Variants in KAZN observed in about 807,000 individuals in gnomAD.
KAZN encodes kazrin.
In KAZN, 40 loss-of-function variants were observed where a neutral mutation model predicts 87.4. The observed-to-expected ratio is 0.46, with a 90% CI of 0.36 to 0.60. KAZN has a LOEUF of 0.60. KAZN is among the 20% of genes least tolerant of loss of function. The pLI, the probability that KAZN is intolerant of heterozygous loss-of-function variation, is 0.00. For missense variants in KAZN, 898 were observed against 1,073.9 expected (o/e 0.84, Z 2.29); for synonymous variants, 466 against 458.3 (o/e 1.02, Z -0.22).
At chr1:14,916,818 G>A (rs1352349158) in intron 1 of KAZN, among the ~76,000 whole-genome samples, 3 of 152,000 alleles carry the variant, frequency 2.0e-5, no homozygotes, top group African/African-American at 7.3e-5. Flanking sequence ...GGAGACTGAG[G>A]CAGAAGGATT....
At chr1:14,929,766 C>T in intron 1 of KAZN, 1 of 985,422 alleles carries the variant, frequency 1.0e-6, no homozygotes, top group South Asian at 4.7e-5. Context: ...GTGAGTGCGT[C>T]TTATGTTGCG....
Position 15,060,434 on chromosome 1 carries a change from C to G in KAZN, c.1047+132C>G. The stretch of plus-strand genomic sequence containing the variant: ...GGGAGCACTCTGGCGAATGCATTTC[C>G]TGTTCTGTTCTTTCCTTTTGCAAGA... On this transcript the variant is annotated intron_variant, in intron 6 of 14. Transcript: ENST00000376030. 3 of 1,192,092 alleles carry G rather than the reference C, an allele frequency of 2.5e-6. No individual in the cohort carries two copies. The South Asian group carries it at 4.2e-5, about 17-fold the overall frequency. The allele number at this position is 1,192,092 out of a possible 1,614,324, so 73.8% of individuals were successfully genotyped here.
intron 2 of KAZN, among the ~76,000 whole-genome samples, chr1:14,396,724 A>G (rs917159149): frequency 6.6e-6 from 1 of 152,034 alleles, no homozygotes; most frequent in Non-Finnish European, 1.5e-5. Context: ...GTGGAAGAAA[A>G]CTCTGGGCTG....
At chr1:14,293,156 A>C (rs139479577) in intron 2 of KAZN, among the ~76,000 whole-genome samples, 3,128 of 152,262 alleles carry the variant, frequency 0.021, 68 homozygotes, top group Non-Finnish European at 0.03. Flanking sequence ...CATTTATTGG[A>C]GATCACACAA....
intron 1 of KAZN, among the ~76,000 whole-genome samples, chr1:14,721,875 C>T (rs537505644): frequency 8.5e-5 from 13 of 152,144 alleles, no homozygotes; most frequent in South Asian, 2.1e-4. Context: ...AGGAATAGAC[C>T]GGGTGCGGTG....
At chr1:14,236,631 G>A (rs919369686) in intron 2 of KAZN, among the ~76,000 whole-genome samples, 12 of 152,114 alleles carry the variant, frequency 7.9e-5, no homozygotes, top group African/African-American at 2.4e-4. Flanking sequence ...TGCATAAAAC[G>A]TATCGGCCAG....
chr1:14,155,612 G>A (rs752527764), intron 1 of KAZN, among the ~76,000 whole-genome samples: 4 of 151,838 alleles, frequency 2.6e-5, no homozygotes, highest in Non-Finnish European at 5.9e-5. Context: ...TCTTTAAGAT[G>A]CACTGTTAAG....
intron 1 of KAZN, among the ~76,000 whole-genome samples, chr1:14,149,459 GGACAT>G (rs1408321862): frequency 6.6e-6 from 1 of 151,996 alleles, no homozygotes; most frequent in Non-Finnish European, 1.5e-5. Context: ...CTCTCTTTCT[GGACAT>G]GATCTTGCCC....
chr1:14,850,628 A>G (rs1428134034), intron 1 of KAZN, among the ~76,000 whole-genome samples: 1 of 152,132 alleles, frequency 6.6e-6, no homozygotes, highest in Non-Finnish European at 1.5e-5. Flanking sequence ...CGCTGTTGCA[A>G]ACTTGAGGAC....
intron 1 of KAZN, among the ~76,000 whole-genome samples, chr1:14,788,589 G>A (rs544389421): frequency 2.0e-5 from 3 of 152,062 alleles, no homozygotes; most frequent in Non-Finnish European, 4.4e-5. Flanking sequence ...CTGTCTGCAT[G>A]AATAAAAGAT....
chr1:14,712,509 C>G (rs1156843228), intron 1 of KAZN, among the ~76,000 whole-genome samples: 1 of 152,152 alleles, frequency 6.6e-6, no homozygotes, highest in Non-Finnish European at 1.5e-5. Context: ...GAGTGCTAAC[C>G]CTATCTGACT....
intron 1 of KAZN, among the ~76,000 whole-genome samples, chr1:14,845,198 G>GGTGA (rs536711840): frequency 0.011 from 1,694 of 150,826 alleles, 51 homozygotes; most frequent in Admixed American, 0.072. Flanking sequence ...TGGATGGATG[G>GGTGA]GTGAGTGAGT....
chr1:14,920,465 A>T (rs1430861288), intron 1 of KAZN, among the ~76,000 whole-genome samples: 1 of 151,194 alleles, frequency 6.6e-6, no homozygotes. Context: ...CTGGATGAGG[A>T]CACCTCCTGC....
intron 2 of KAZN, among the ~76,000 whole-genome samples, chr1:15,031,110 A>G (rs1225599733): frequency 1.3e-5 from 2 of 152,222 alleles, no homozygotes; most frequent in Admixed American, 1.3e-4. Context: ...AGTCATTGCC[A>G]TCCCATATTC....
intron 1 of KAZN, among the ~76,000 whole-genome samples, chr1:14,763,680 T>C (rs911413177): frequency 2.0e-5 from 3 of 152,204 alleles, no homozygotes; most frequent in African/African-American, 7.2e-5. Context: ...GGAGTAGGAA[T>C]GGATATCCTC....
rs763318957 is a variant in KAZN, at chr1:14,599,051, G to A, written c.54G>A (p.Ser18=). The change falls in exon 1 of 15, where the codon TCG becomes TCA. Residue 18 remains serine, a synonymous_variant. Coordinates refer to ENST00000376030, the MANE Select transcript of KAZN (RefSeq NM_201628.3). The surrounding 1 kb of genome is among the most constrained non-coding windows in gnomAD (Gnocchi z 4.4). ...LALRIDGAVQ[S]ASQEVTNLRA... The stretch of plus-strand genomic sequence containing the variant: ...TCCGCATCGATGGGGCGGTCCAGTC[G>A]GCCAGCCAGGAGGTGACCAACCTGC... The A allele has an allele frequency of 1.9e-6, 3 of 1,566,602 alleles. No individual in the cohort carries two copies. Among genetic ancestry groups the A allele is most frequent in the Non-Finnish European group, 2.6e-6 (3 of 1,160,768 alleles).
intron 13 of KAZN, among the ~76,000 whole-genome samples, chr1:15,109,731 GTGTA>G (rs1184558541): frequency 1.2e-4 from 13 of 104,774 alleles, no homozygotes; most frequent in Admixed American, 2.3e-4. Flanking sequence ...ATATATCTGT[GTGTA>G]TGTGTGTTTG....
chr1:14,480,139 G>A (rs749138948), intron 2 of KAZN, among the ~76,000 whole-genome samples: 3 of 152,260 alleles, frequency 2.0e-5, no homozygotes, highest in Admixed American at 6.5e-5. Context: ...AAGGCAGCCA[G>A]CCTTCCCATG....
intron 2 of KAZN, among the ~76,000 whole-genome samples, chr1:14,991,461 C>T (rs1034194441): frequency 5.9e-5 from 9 of 152,188 alleles, no homozygotes; most frequent in Non-Finnish European, 1.0e-4. Context: ...GTCACAGTGG[C>T]CCTGTCAGAA....
Sources: gnomAD v4.1 joint callset for allele counts (sites outside exome capture counted in the v4.1 genomes callset) on GRCh38, gnomAD v4.1.1 for gene constraint, Gnocchi (gnomAD v3.1) non-coding constraint, MANE v1.5 for transcripts, NCBI Gene and HGNC (gene_info 2026-07-23, HGNC 2026-07-21) for gene names.